ASPM: variants seen among roughly 807,000 people sequenced by gnomAD.
The protein encoded by ASPM is abnormal spindle-like microcephaly-associated protein.
Under a neutral mutation model 366.4 loss-of-function variants are expected in ASPM, and 256 were observed. The observed-to-expected ratio is 0.70, with a 90% CI of 0.63 to 0.77. The LOEUF (loss-of-function observed/expected upper bound fraction) is 0.77, where lower values mean the gene tolerates loss of function less well. Ranked by LOEUF, ASPM falls within the 30% of genes least tolerant of loss-of-function variation. The pLI, the probability that ASPM is intolerant of heterozygous loss-of-function variation, is 0.00. For synonymous variants in ASPM, 1,414 were observed against 1,342.9 expected (o/e 1.05, Z -1.16); for missense variants, 4,146 against 4,090.4 (o/e 1.01, Z -0.37).
At chr1:197,105,525 T>A (rs139060317) in intron 17 of ASPM, among the ~76,000 whole-genome samples, 2 of 152,134 alleles carry the variant, frequency 1.3e-5, no homozygotes, top group East Asian at 3.9e-4. Context: ...TGATTCTAAG[T>A]AATTTCCTAT....
rs191774117 is a variant in ASPM at position 197,114,809 on chromosome 1, C to T, written c.4065+2980G>A. On this transcript the variant is annotated intron_variant, in intron 17 of 27. Coordinates refer to ENST00000367409, the MANE Select transcript of ASPM (RefSeq NM_018136.5). ...TGTCACCAAGGCTGAAGTGCAATGA[C>T]GTGATCTCGGCTCACTGCAACCTCC... Among the ~76,000 whole-genome samples the T allele has an allele frequency of 1.8e-3, 273 of 152,256 alleles. 1 individual carries two copies. The highest frequency in any genetic ancestry group is 6.3e-3 in the African/African-American group (261 of 41,570).
intron 9 of ASPM, among the ~76,000 whole-genome samples, chr1:197,128,937 A>C (rs779347730): frequency 1.3e-5 from 2 of 152,162 alleles, no homozygotes; most frequent in Non-Finnish European, 2.9e-5. Flanking sequence ...AATCTTCAGA[A>C]GCATAGTTTA....
intron 18 of ASPM, among the ~76,000 whole-genome samples, chr1:197,098,465 T>C (rs961794518): frequency 6.6e-6 from 1 of 151,708 alleles, no homozygotes; most frequent in Admixed American, 6.6e-5. Context: ...TATGTAATTA[T>C]GTAAGAGAAA....
chr1:197,142,381 A>T lies in ASPM; in HGVS notation c.1871T>A (p.Ile624Asn). Residue 624 changes from isoleucine (I) to asparagine (N), a missense_variant, in exon 3 of 28, where the codon ATC becomes AAC. Around this residue, in one of 3 missense-constraint regions of ASPM, gnomAD observed 3,624 missense variants for 3,591.7 expected, o/e 1.01. Transcript: ENST00000367409. ...CTCTCTGTTGCTAATACGTTTTGAG[A>T]TGGGTGTTGTCACATTTTTTGTTTT... is the stretch of plus-strand genomic sequence containing the variant. Reference protein sequence around the residue: ...VKKTKNVTTPISKRISNREKL... With the variant: ...VKKTKNVTTPNSKRISNREKL... 1 of 1,613,824 alleles carries T rather than the reference A, an allele frequency of 6.2e-7. No homozygotes were observed. Among genetic ancestry groups the T allele is most frequent in the Non-Finnish European group, 8.5e-7 (1 of 1,179,792 alleles).
In ASPM at chr1:197,142,718, T is replaced by A; in HGVS notation, c.1534A>T (p.Ile512Phe). 6.2e-7 allele frequency: 1 copy of A among 1,614,036 alleles called. No homozygotes were observed. Among genetic ancestry groups the A allele is most frequent in the Non-Finnish European group, 8.5e-7 (1 of 1,179,882 alleles). ...ATCTRENQTEINKPKAKRCLN... is the reference protein window; with the variant it reads ...ATCTRENQTEFNKPKAKRCLN... Reference sequence around the variant, plus strand: ...CATCTTTTTGCTTTTGGTTTATTAATCTCAGTTTGGTTTTCTCTGGTACAG... The same window carrying A: ...CATCTTTTTGCTTTTGGTTTATTAAACTCAGTTTGGTTTTCTCTGGTACAG... Residue 512 changes from isoleucine to phenylalanine, a missense_variant, in exon 3 of 28, where the codon ATT becomes TTT. Ile to Phe is a conservative substitution (Grantham distance 21, BLOSUM62 0). Around this residue, in one of 3 missense-constraint regions of ASPM, gnomAD observed 3,624 missense variants for 3,591.7 expected, o/e 1.01. Transcript: ENST00000367409.
chr1:197,115,086 C>G (rs1657703718), intron 17 of ASPM, among the ~76,000 whole-genome samples: 1 of 152,090 alleles, frequency 6.6e-6, no homozygotes, highest in African/African-American at 2.4e-5. Flanking sequence ...CTTTGTTGCC[C>G]AGGCTGATCT....
intron 17 of ASPM, among the ~76,000 whole-genome samples, chr1:197,111,636 C>T (rs981320095): frequency 1.3e-5 from 2 of 152,056 alleles, no homozygotes; most frequent in African/African-American, 2.4e-5. Flanking sequence ...ATATGTTCAT[C>T]GCAGAACTAA....
chr1:197,088,082 G>T, intron 26 of ASPM, 174 bp downstream of exon 26: 2 of 637,030 alleles, frequency 3.1e-6, no homozygotes, highest in African/African-American at 1.8e-5. Context: ...TTAATAGTCA[G>T]AAAGAAACAA....
chr1:197,108,016 G>A (rs1392997944), intron 17 of ASPM, among the ~76,000 whole-genome samples: 1 of 152,072 alleles, frequency 6.6e-6, no homozygotes, highest in Non-Finnish European at 1.5e-5. Flanking sequence ...AGACCATATT[G>A]TGGATCATAA....
At chr1:197,138,939 G>C in intron 4 of ASPM, 1 of 774,666 alleles carries the variant, frequency 1.3e-6, no homozygotes, top group East Asian at 2.5e-5. Flanking sequence ...CTCTTTTTCA[G>C]CTTCTTTCTC....
intron 13 of ASPM, among the ~76,000 whole-genome samples, 170 bp from the exon 14 acceptor site, chr1:197,122,765 A>G (rs1463663824): frequency 6.6e-6 from 1 of 152,138 alleles, no homozygotes; most frequent in Admixed American, 6.6e-5. Context: ...AAAAAAATAA[A>G]AGAGTATCCC....
chr1:197,129,898 G>A lies in ASPM; in HGVS notation c.2629+17C>T. 6.2e-7 allele frequency: 1 copy of A among 1,606,366 alleles called. No homozygotes were observed. The highest frequency in any genetic ancestry group is 8.5e-7 in the Non-Finnish European group (1 of 1,173,144). On this transcript the variant is annotated intron_variant, in intron 8 of 27. Coordinates refer to ENST00000367409, the MANE Select transcript of ASPM (RefSeq NM_018136.5). ...TGTATAATGTGGAGAGAATGTAGGA[G>A]AGGCAGAGATACTTACCATCTCTAT... is the stretch of plus-strand genomic sequence containing the variant.
At position 197,143,676 on chromosome 1, in the gene ASPM, T is replaced by C. The variant is rs144336765; in HGVS notation, c.576A>G (p.Leu192=). 14 of 1,613,750 alleles carry C rather than the reference T, an allele frequency of 8.7e-6. No individual in the cohort carries two copies. The highest frequency in any genetic ancestry group is 4.0e-5 in the African/African-American group (3 of 74,918). Residue 192 remains leucine, a synonymous_variant, in exon 3 of 28, where the codon CTA becomes CTG. Transcript: ENST00000367409. The part of the protein sequence containing the change: ...SQKVDRVRSP[L]QACENLAMNE... The stretch of plus-strand genomic sequence containing the variant: ...TCATAGCCAAGTTTTCACAAGCTTG[T>C]AGTGGGCTCCTAACTCTGTCAACTT...
Position 197,124,324 on chromosome 1 carries a change from A to C in ASPM, c.3176T>G (p.Ile1059Ser). Reference sequence around the variant, plus strand: ...CTTTAATTGATCTAAGTTAAGGGAAATATCCACCTAAAACAAACACAAAAA... The same window carrying C: ...CTTTAATTGATCTAAGTTAAGGGAACTATCCACCTAAAACAAACACAAAAA... Reference protein sequence around the residue: ...WKIAFAFQVDISLNLDQLKEE... With the variant: ...WKIAFAFQVDSSLNLDQLKEE... The change falls in exon 13 of 28, where the codon ATT becomes AGT. Residue 1059 changes from isoleucine (I) to serine (S), a missense_variant. Ile to Ser is a moderately radical substitution (Grantham distance 142, BLOSUM62 -2). Transcript: ENST00000367409. 6.4e-7 allele frequency: 1 copy of C among 1,563,248 alleles called. No individual in the cohort carries two copies. Among genetic ancestry groups the C allele is most frequent in the Non-Finnish European group, 8.8e-7 (1 of 1,136,780 alleles).
At chr1:197,106,027 C>G (rs963288592) in intron 17 of ASPM, among the ~76,000 whole-genome samples, 2 of 152,008 alleles carry the variant, frequency 1.3e-5, no homozygotes, top group African/African-American at 4.8e-5. Context: ...TTGTTCTCTA[C>G]TACATCTTAC....
Position 197,102,951 on chromosome 1 carries a change from G to C in ASPM, c.6300C>G (p.Ile2100Met), listed in dbSNP as rs1310708508. ...YLNLKKTAIK[I>M]QSVYRGIRVR... ...CTCTAATACCTCTATAAACAGATTG[G>C]ATTTTAATTGCTGTCTTCTTCAAAT... is the stretch of plus-strand genomic sequence containing the variant. The change falls in exon 18 of 28, where the codon ATC becomes ATG. Residue 2100 changes from isoleucine to methionine, a missense_variant. Physicochemically the swap from Ile to Met is conservative, Grantham distance 10. Coordinates refer to ENST00000367409, the MANE Select transcript of ASPM (RefSeq NM_018136.5). 1.2e-5 allele frequency: 20 copies of C among 1,612,322 alleles called. No homozygotes were observed. The highest frequency in any genetic ancestry group is 1.4e-5 in the Non-Finnish European group (17 of 1,179,104).
intron 17 of ASPM, among the ~76,000 whole-genome samples, chr1:197,106,176 C>T (rs1415097312): frequency 6.6e-6 from 1 of 151,940 alleles, no homozygotes; most frequent in Admixed American, 6.6e-5. Context: ...CATGCACATC[C>T]CTTTTCCTGA....
At chr1:197,138,363 C>G (rs754623487) in intron 4 of ASPM, among the ~76,000 whole-genome samples, 1 of 152,108 alleles carries the variant, frequency 6.6e-6, no homozygotes, top group Non-Finnish European at 1.5e-5. Context: ...AGTGCAATGG[C>G]AAGAACCTGG....
intron 25 of ASPM, among the ~76,000 whole-genome samples, chr1:197,089,048 T>C (rs1280459658): frequency 2.0e-5 from 3 of 152,060 alleles, no homozygotes; most frequent in Admixed American, 1.3e-4. Flanking sequence ...GGCATGTTTA[T>C]GTATTAATGT....
Sources: allele counts gnomAD v4.1 joint callset (sites outside exome capture counted in the v4.1 genomes callset), GRCh38; gene constraint gnomAD v4.1.1; regional missense constraint gnomAD v4.1.1; transcripts MANE v1.5; gene names NCBI Gene and HGNC (gene_info 2026-07-23, HGNC 2026-07-21).